Variants in PCDH11X observed in about 807,000 individuals in gnomAD.
PCDH11X encodes the protein protocadherin-11 X-linked.
PCDH11X carries 18 observed loss-of-function variants against 53.3 expected under a neutral mutation model. The observed-to-expected ratio is 0.34, with a 90% CI of 0.23 to 0.50. The LOEUF is 0.50. PCDH11X is among the 20% of genes least tolerant of loss of function. The pLI, the probability that PCDH11X is intolerant of heterozygous loss-of-function variation, is 0.98. For missense variants in PCDH11X, 570 were observed against 1,032.4 expected, an observed-to-expected ratio of 0.55 and a Z score of 6.14; for synonymous variants, 279 against 393.3, an observed-to-expected ratio of 0.71 and a Z score of 3.44.
intron 6 of PCDH11X, among the ~76,000 whole-genome samples, chrX:92,099,252 G>A (rs1189547364): frequency 9.2e-6 from 1 of 108,621 alleles, no homozygotes; most frequent in Non-Finnish European, 1.9e-5. Context: ...GTCTGTATTT[G>A]CGTGGAAATG....
At chrX:92,532,078 A>T (rs2074567427) in intron 10 of PCDH11X, among the ~76,000 whole-genome samples, 1 of 110,853 alleles carries the variant, frequency 9.0e-6, no homozygotes, top group Non-Finnish European at 1.9e-5. Context: ...CCTTGAAAGG[A>T]TCTGGTCTGC....
chrX:92,419,916 G>C (rs1603306526), intron 9 of PCDH11X, among the ~76,000 whole-genome samples: 1 of 109,584 alleles, frequency 9.1e-6, no homozygotes, highest in African/African-American at 3.3e-5. Flanking sequence ...TCCTGACCTC[G>C]TGATCCACCC....
At chrX:91,846,199 C>A (rs1292928902) in intron 5 of PCDH11X, among the ~76,000 whole-genome samples, 1 of 111,686 alleles carries the variant, frequency 9.0e-6, no homozygotes, top group East Asian at 2.8e-4. Context: ...CCTGTTATTA[C>A]CAGGCAACTA....
intron 4 of PCDH11X, among the ~76,000 whole-genome samples, chrX:91,822,224 G>T (rs1248814054): frequency 9.2e-6 from 1 of 109,235 alleles, no homozygotes; most frequent in Non-Finnish European, 1.9e-5. Context: ...TTTCTCTATT[G>T]ATTGGAATAG....
chrX:92,285,015 C>T, intron 8 of PCDH11X, among the ~76,000 whole-genome samples: 1 of 111,023 alleles, frequency 9.0e-6, no homozygotes, highest in Non-Finnish European at 1.9e-5. Flanking sequence ...CTGTTTTCGC[C>T]TCCTAATCAC....
chrX:92,519,535 A>G (rs2148714691), intron 10 of PCDH11X, among the ~76,000 whole-genome samples: 1 of 108,730 alleles, frequency 9.2e-6, no homozygotes, highest in South Asian at 4.1e-4. Flanking sequence ...TCTATCAAAA[A>G]GGGTATTAAC....
At chrX:92,352,464 A>G (rs2070076780) in intron 8 of PCDH11X, among the ~76,000 whole-genome samples, 1 of 111,646 alleles carries the variant, frequency 9.0e-6, no homozygotes, top group African/African-American at 3.3e-5. Context: ...TTAATAATTG[A>G]CCTTCTGAAT....
chrX:91,909,361 C>T (rs1426309791), intron 6 of PCDH11X, among the ~76,000 whole-genome samples: 1 of 108,310 alleles, frequency 9.2e-6, no homozygotes, highest in Non-Finnish European at 1.9e-5. Flanking sequence ...TCCTCTGTCT[C>T]TGTCACATTT....
intron 6 of PCDH11X, among the ~76,000 whole-genome samples, chrX:91,927,506 G>T (rs1239518232): frequency 9.0e-6 from 1 of 110,611 alleles, no homozygotes; most frequent in African/African-American, 3.3e-5. Context: ...CATGCTCTTG[G>T]CAATTAAACT....
At chrX:92,126,630 TAAAA>T (rs1490300908) in intron 6 of PCDH11X, among the ~76,000 whole-genome samples, 3 of 105,156 alleles carry the variant, frequency 2.9e-5, no homozygotes, top group Admixed American at 1.0e-4. Context: ...AAATAAAAAA[TAAAA>T]AAATTAAAAT....
rs1190274190 is a variant in PCDH11X, at chrX:92,148,234, C to CT, written c.3034-53128dup. Among the ~76,000 whole-genome samples, 119 of 67,303 alleles carry CT rather than the reference C, an allele frequency of 1.8e-3. 1 individual carries two copies. The highest frequency in any genetic ancestry group is 3.4e-3 in the African/African-American group (61 of 17,725). 58.4% of individuals were successfully genotyped at this position (67,303 alleles called of 115,157 possible). A position where few individuals can be genotyped will look rare whatever the true frequency, so the allele number is the denominator to read the frequency against. ...TCCCTTTCCCTGTCTCTTTCCCTTC[C>CT]TTTTTTTTTTTTTGAGACAGAGTCT... On this transcript the variant is annotated intron_variant, in intron 6 of 10. Coordinates refer to ENST00000682573, the MANE Select transcript of PCDH11X (RefSeq NM_032968.5).
intron 9 of PCDH11X, among the ~76,000 whole-genome samples, chrX:92,437,838 A>G (rs2072421186): frequency 9.1e-6 from 1 of 110,265 alleles, no homozygotes; most frequent in Non-Finnish European, 1.9e-5. Flanking sequence ...AAGCCCTAAT[A>G]TGACTAAACC....
At chrX:91,884,206 AAAAAAAG>A (rs1940089431) in intron 6 of PCDH11X, among the ~76,000 whole-genome samples, 1 of 109,232 alleles carries the variant, frequency 9.2e-6, no homozygotes, top group African/African-American at 3.3e-5. Context: ...AAAAAAAAAA[AAAAAAAG>A]AAAAAAAGTT....
rs1423649349 is a variant in PCDH11X, at chrX:91,878,116, C to T, written c.1876C>T (p.Arg626Ter). ...FTIDSQTGVI[R>*]PNISFDREKQ... ...CATTGATTCACAAACTGGTGTCATC[C>T]GACCAAATATTTCATTTGATAGAGA... The change falls in exon 6 of 11, where the codon CGA becomes TGA. Residue 626 changes from arginine to a stop codon, truncating the protein, a stop_gained. Coordinates refer to ENST00000682573, the MANE Select transcript of PCDH11X (RefSeq NM_032968.5). LOFTEE classifies it high-confidence loss of function. The T allele has an allele frequency of 5.0e-6, 6 of 1,202,590 alleles. No individual in the cohort carries two copies. Among genetic ancestry groups the T allele is most frequent in the Non-Finnish European group, 6.7e-6 (6 of 890,395 alleles).
At chrX:91,815,138 A>T (rs1936413582) in intron 4 of PCDH11X, among the ~76,000 whole-genome samples, 1 of 111,221 alleles carries the variant, frequency 9.0e-6, no homozygotes, top group African/African-American at 3.3e-5. Context: ...TGGATCTTGG[A>T]TTTATTATAA....
At chrX:92,073,136 T>G (rs1417298718) in intron 6 of PCDH11X, among the ~76,000 whole-genome samples, 1 of 111,594 alleles carries the variant, frequency 9.0e-6, no homozygotes, top group Non-Finnish European at 1.9e-5. Flanking sequence ...AAAATGCACA[T>G]ATTCTTTCTC....
intron 10 of PCDH11X, among the ~76,000 whole-genome samples, chrX:92,472,011 T>C (rs1211131355): frequency 9.0e-6 from 1 of 111,450 alleles, no homozygotes; most frequent in Non-Finnish European, 1.9e-5. Flanking sequence ...ATTAGACCTT[T>C]GTCAGATACA....
chrX:92,275,610 G>T (rs1475326378), intron 8 of PCDH11X, among the ~76,000 whole-genome samples: 19 of 111,278 alleles, frequency 1.7e-4, no homozygotes, highest in African/African-American at 5.9e-4. Context: ...AGAGTATATG[G>T]GTTTGGCACC....
At position 92,029,174 on chromosome X, in the gene PCDH11X, G is replaced by A. The variant is rs189901596; in HGVS notation, c.3033+149901G>A. Reference sequence around the variant, plus strand: ...CATCTGCTACAGGATAGGGACAACTGCTGATTAAAGGAGACTTCAGTGGCC... The same window carrying A: ...CATCTGCTACAGGATAGGGACAACTACTGATTAAAGGAGACTTCAGTGGCC... On this transcript the variant is annotated intron_variant, in intron 6 of 10. Coordinates refer to ENST00000682573, the MANE Select transcript of PCDH11X (RefSeq NM_032968.5). 2.3e-4 allele frequency among the ~76,000 whole-genome samples: 26 copies of A among 111,860 alleles called. No individual in the cohort carries two copies. In the East Asian group the frequency reaches 6.2e-3, roughly 27 times the overall value.
Sources: gnomAD v4.1 joint callset for allele counts (sites outside exome capture counted in the v4.1 genomes callset) on GRCh38, gnomAD v4.1.1 for gene constraint, MANE v1.5 for transcripts, NCBI Gene and HGNC (gene_info 2026-07-23, HGNC 2026-07-21) for gene names.